SGCD: variants seen among roughly 807,000 people sequenced by gnomAD.
SGCD encodes the protein delta-sarcoglycan.
SGCD carries 18 observed loss-of-function variants against 36.6 expected under a neutral mutation model. That is an observed-to-expected ratio of 0.49 (90% CI 0.34 to 0.73). SGCD has a LOEUF of 0.73. Among genes scored for constraint, SGCD ranks in the 30% least tolerant of loss-of-function variants. The pLI is 0.01. For synonymous variants in SGCD, 133 were observed against 130.6 expected (o/e 1.02, Z -0.12); for missense variants, 387 against 346.7 (o/e 1.12, Z -0.92).
intron 3 of SGCD, among the ~76,000 whole-genome samples, chr5:156,205,012 T>C (rs1764240675): frequency 6.6e-6 from 1 of 152,074 alleles, no homozygotes; most frequent in Non-Finnish European, 1.5e-5. Flanking sequence ...ACATATATTA[T>C]TTTCACCTGA....
At chr5:155,899,260 A>G (rs1442015605) in intron 1 of SGCD, among the ~76,000 whole-genome samples, 3 of 152,244 alleles carry the variant, frequency 2.0e-5, no homozygotes, top group Non-Finnish European at 4.4e-5. Context: ...GAAAACCATC[A>G]CAGCTTTTTC....
intron 3 of SGCD, among the ~76,000 whole-genome samples, chr5:156,182,377 G>A (rs1411076942): frequency 6.6e-6 from 1 of 152,160 alleles, no homozygotes; most frequent in Non-Finnish European, 1.5e-5. Context: ...GATCACTTGA[G>A]TCCAGGAGTA....
chr5:156,008,542 A>AT (rs1758796992), intron 1 of SGCD, among the ~76,000 whole-genome samples: 1 of 152,014 alleles, frequency 6.6e-6, no homozygotes. Flanking sequence ...TGCCTGGCTA[A>AT]TTTTTTAATT....
chr5:156,181,396 G>C (rs1282526829), intron 3 of SGCD, among the ~76,000 whole-genome samples: 3 of 152,028 alleles, frequency 2.0e-5, no homozygotes, highest in African/African-American at 7.2e-5. Context: ...TTTTCAAACT[G>C]ACCCATAGAT....
chr5:156,155,734 C>A (rs888059867), intron 3 of SGCD, among the ~76,000 whole-genome samples: 3 of 151,564 alleles, frequency 2.0e-5, no homozygotes, highest in South Asian at 4.1e-4. Context: ...AGTAGCCCTC[C>A]GTCTTCACAA....
chr5:156,102,969 A>G (rs939920636), intron 1 of SGCD, among the ~76,000 whole-genome samples: 2 of 152,174 alleles, frequency 1.3e-5, no homozygotes, highest in Non-Finnish European at 2.9e-5. Context: ...GTGTTGGATT[A>G]CACAGTATTT....
At chr5:156,403,319 T>C (rs1045792986) in intron 3 of SGCD, among the ~76,000 whole-genome samples, 14 of 152,196 alleles carry the variant, frequency 9.2e-5, no homozygotes, top group African/African-American at 3.4e-4. Context: ...TCTGTTGCCA[T>C]ACCCCAAAGG....
chr5:156,167,350 G>A (rs1381929570), intron 3 of SGCD, among the ~76,000 whole-genome samples: 1 of 151,998 alleles, frequency 6.6e-6, no homozygotes, highest in African/African-American at 2.4e-5. Flanking sequence ...TATATGTCAA[G>A]CTCCATGAGG....
chr5:156,262,893 T>A (rs1765902309), intron 3 of SGCD, among the ~76,000 whole-genome samples: 1 of 150,768 alleles, frequency 6.6e-6, no homozygotes, highest in South Asian at 2.1e-4. Flanking sequence ...TGAATAGTAT[T>A]CCATGGTGTG....
rs143556480 is a variant in SGCD at position 156,342,762 on chromosome 5, A to G, written c.4-1727A>G. ...GCCTGAAGTGAAAATTTGCAAGTAT[A>G]CAAACAAGAACTTGCCCATGGTATT... On this transcript the variant is annotated intron_variant, in intron 2 of 8. Transcript: ENST00000337851. Among the ~76,000 whole-genome samples, 47 of 152,344 alleles carry G rather than the reference A, an allele frequency of 3.1e-4. 1 individual carries two copies. Among genetic ancestry groups the G allele is most frequent in the African/African-American group, 9.1e-4 (38 of 41,586 alleles).
intron 3 of SGCD, among the ~76,000 whole-genome samples, chr5:156,423,362 T>TATA (rs1380145479): frequency 0.08 from 8,115 of 101,230 alleles, 1,451 homozygotes; most frequent in South Asian, 0.14. Context: ...TTTATTATAA[T>TATA]ATATTATATT....
intron 3 of SGCD, among the ~76,000 whole-genome samples, chr5:156,130,556 C>G (rs960881588): frequency 6.6e-6 from 1 of 152,106 alleles, no homozygotes; most frequent in Admixed American, 6.5e-5. Flanking sequence ...GTCATGAAAT[C>G]TTTGCCCATT....
intron 4 of SGCD, among the ~76,000 whole-genome samples, chr5:156,587,379 T>G (rs552176141): frequency 2.6e-5 from 4 of 152,190 alleles, no homozygotes; most frequent in Non-Finnish European, 4.4e-5. Context: ...TATACTACAC[T>G]GTAGGATTAT....
intron 1 of SGCD, among the ~76,000 whole-genome samples, chr5:156,051,722 G>A (rs1251342438): frequency 1.4e-5 from 2 of 145,520 alleles, no homozygotes; most frequent in African/African-American, 2.5e-5. Context: ...ATGAGCACTC[G>A]TGGTAGGAAG....
At chr5:156,152,665 C>A (rs1353029329) in intron 3 of SGCD, among the ~76,000 whole-genome samples, 1 of 151,646 alleles carries the variant, frequency 6.6e-6, no homozygotes, top group Non-Finnish European at 1.5e-5. Flanking sequence ...ATTTCTTATA[C>A]ATTGGGTTAA....
chr5:155,900,722 G>A (rs937538718), intron 1 of SGCD, among the ~76,000 whole-genome samples: 2 of 151,862 alleles, frequency 1.3e-5, no homozygotes, highest in African/African-American at 2.4e-5. Flanking sequence ...AAATGCAGGA[G>A]TAAGATTTTT....
At chr5:156,418,317 C>T (rs1561682436) in intron 3 of SGCD, among the ~76,000 whole-genome samples, 2 of 152,140 alleles carry the variant, frequency 1.3e-5, no homozygotes, top group South Asian at 4.1e-4. Context: ...GACTCTGATC[C>T]TAAGCAGAAA....
chr5:156,429,800 A>C (rs762490647), intron 3 of SGCD, among the ~76,000 whole-genome samples: 20 of 152,140 alleles, frequency 1.3e-4, no homozygotes, highest in Non-Finnish European at 2.5e-4. Context: ...TGGATACACA[A>C]TTCTTGGCTT....
chr5:155,738,762 G>A, the SGCD span, among the ~76,000 whole-genome samples: 2 of 125,088 alleles, frequency 1.6e-5, no homozygotes, highest in Non-Finnish European at 3.3e-5. Flanking sequence ...GTAAGAGAGT[G>A]TGAGAGTGTG....
Sources: allele counts gnomAD v4.1 joint callset (sites outside exome capture counted in the v4.1 genomes callset), GRCh38; gene constraint gnomAD v4.1.1; transcripts MANE v1.5; gene names NCBI Gene and HGNC (gene_info 2026-07-23, HGNC 2026-07-21).